Variants in LRRC1 observed in about 807,000 individuals in gnomAD.
LRRC1 encodes leucine rich repeat containing 1, also known as leucine-rich repeat-containing protein 1.
In LRRC1, 28 loss-of-function variants were observed where a neutral mutation model predicts 69.9. The observed-to-expected ratio is 0.40, with a 90% confidence interval of 0.30 to 0.55. LRRC1 has a LOEUF of 0.55. Among genes scored for constraint, LRRC1 ranks in the 20% least tolerant of loss-of-function variants. The pLI is 0.47. For synonymous variants in LRRC1, 236 were observed against 240.2 expected (o/e 0.98, Z 0.16); for missense variants, 498 against 609.0 (o/e 0.82, Z 1.92).
intron 2 of LRRC1, 21 bp downstream of exon 2, chr6:53,842,248 G>T (rs1484651256): frequency 2.6e-6 from 4 of 1,563,968 alleles, no homozygotes; most frequent in Admixed American, 3.4e-5. Flanking sequence ...TTCCACTTGG[G>T]TTGCCTATTT....
chr6:53,834,667 C>G (rs908363984), intron 1 of LRRC1, among the ~76,000 whole-genome samples: 5 of 152,178 alleles, frequency 3.3e-5, no homozygotes, highest in Non-Finnish European at 5.9e-5. Flanking sequence ...AAAAAAAACT[C>G]TACCTCACTT....
Position 53,879,007 on chromosome 6 carries a change from C to A in LRRC1, c.292C>A (p.Pro98Thr), listed in dbSNP as rs769655673. 6.2e-7 allele frequency: 1 copy of A among 1,612,066 alleles called. No individual in the cohort carries two copies. Among genetic ancestry groups the A allele is most frequent in the African/African-American group, 1.3e-5 (1 of 74,972 alleles). ...DVSRNEIPEI[P>T]ESISFCKALQ... is the part of the protein sequence containing the mutation. The stretch of plus-strand genomic sequence containing the variant: ...TACTCCTGCAGAGATTCCTGAAATT[C>A]CAGAAAGCATTTCATTCTGTAAAGC... The change falls in exon 3 of 14, where the codon CCA (proline) becomes ACA (threonine). Residue 98 changes from proline to threonine, a missense_variant. This residue lies in a region of LRRC1 where 266 missense variants were observed against 383.9 expected (regional missense o/e 0.69). Transcript: ENST00000370888.
intron 4 of LRRC1, among the ~76,000 whole-genome samples, chr6:53,895,283 G>T (rs1426147211): frequency 6.6e-6 from 1 of 152,150 alleles, no homozygotes; most frequent in Admixed American, 6.5e-5. Flanking sequence ...AAATTATTTG[G>T]TTTTGTAAAA....
chr6:53,919,390 T>A, intron 11 of LRRC1, 108 bp from the exon 12 acceptor site: 1 of 920,262 alleles, frequency 1.1e-6, no homozygotes, highest in South Asian at 2.1e-5. Context: ...TTGAAACCAA[T>A]CTCAGGAAGC....
chr6:53,909,146 C>T lies in LRRC1; in HGVS notation c.990+4684C>T, dbSNP rs565990914. The stretch of plus-strand genomic sequence containing the variant: ...GGGAGCAGGCACCATACCAAGTGTC[C>T]ACAGAGGCAGCTAACATGTGCCAGG... On this transcript the variant is annotated intron_variant, in intron 10 of 13. Transcript: ENST00000370888. 1.5e-4 allele frequency among the ~76,000 whole-genome samples: 23 copies of T among 152,258 alleles called. No individual in the cohort carries two copies. In the East Asian group the frequency reaches 4.0e-3, roughly 27 times the overall value.
At chr6:53,893,069 C>T (rs752214285) in intron 4 of LRRC1, among the ~76,000 whole-genome samples, 7 of 152,120 alleles carry the variant, frequency 4.6e-5, no homozygotes, top group East Asian at 1.9e-4. Context: ...AGATGACATC[C>T]GTGATTAGCA....
chr6:53,849,982 C>A (rs550268361), intron 2 of LRRC1, among the ~76,000 whole-genome samples: 1 of 151,234 alleles, frequency 6.6e-6, no homozygotes, highest in South Asian at 2.1e-4. Context: ...ATTCTGTATT[C>A]TTTTCAGTTT....
At chr6:53,847,315 T>G (rs1562041591) in intron 2 of LRRC1, among the ~76,000 whole-genome samples, 1 of 152,196 alleles carries the variant, frequency 6.6e-6, no homozygotes, top group Non-Finnish European at 1.5e-5. Flanking sequence ...TTTAAAAGAA[T>G]GAGGCAAATG....
chr6:53,806,659 A>G (rs539699961), intron 1 of LRRC1, among the ~76,000 whole-genome samples: 2 of 152,294 alleles, frequency 1.3e-5, no homozygotes, highest in South Asian at 4.1e-4. Context: ...GAGTGGTGCT[A>G]CAGTTGGGCA....
At chr6:53,819,461 C>T (rs1383806982) in intron 1 of LRRC1, among the ~76,000 whole-genome samples, 18 of 152,054 alleles carry the variant, frequency 1.2e-4, no homozygotes. Context: ...ACATAGTAAG[C>T]CCTGGGGAAA....
intron 4 of LRRC1, among the ~76,000 whole-genome samples, chr6:53,888,305 A>G (rs908111897): frequency 1.3e-5 from 2 of 152,228 alleles, no homozygotes; most frequent in Non-Finnish European, 2.9e-5. Context: ...CAAGATTACA[A>G]AACAAAAATC....
intron 10 of LRRC1, among the ~76,000 whole-genome samples, chr6:53,906,808 G>A (rs1437450030): frequency 6.6e-6 from 1 of 152,212 alleles, no homozygotes; most frequent in Non-Finnish European, 1.5e-5. Context: ...GAAAGAAATA[G>A]TCTGCGCCTT....
At chr6:53,876,339 A>G (rs1767069050) in intron 2 of LRRC1, among the ~76,000 whole-genome samples, 1 of 152,102 alleles carries the variant, frequency 6.6e-6, no homozygotes, top group Non-Finnish European at 1.5e-5. Flanking sequence ...GGAATTCAAG[A>G]TGAGATTTGG....
In LRRC1 at chr6:53,897,301, C is replaced by A; in HGVS notation, c.584C>A (p.Ala195Asp). The change falls in exon 7 of 14, where the codon GCC (alanine) becomes GAC (aspartate). Residue 195 changes from alanine to aspartate, a missense_variant. Transcript: ENST00000370888. ...TTGTTTTAGCCAGAATCAATTGGAG[C>A]CCTCTTACATCTAAAAGATCTCTGG... ...EIYNLPESIG[A>D]LLHLKDLWLD... 1.2e-6 allele frequency: 2 copies of A among 1,610,776 alleles called. No individual in the cohort carries two copies. The highest frequency in any genetic ancestry group is 1.7e-6 in the Non-Finnish European group (2 of 1,177,790).
chr6:53,871,108 G>C (rs1028151942), intron 2 of LRRC1, among the ~76,000 whole-genome samples: 2 of 152,178 alleles, frequency 1.3e-5, no homozygotes, highest in East Asian at 3.8e-4. Flanking sequence ...TGGGAGTGCA[G>C]ATATATCTTT....
At chr6:53,848,173 G>GA (rs1766008118) in intron 2 of LRRC1, among the ~76,000 whole-genome samples, 2 of 152,242 alleles carry the variant, frequency 1.3e-5, no homozygotes, top group Non-Finnish European at 2.9e-5. Flanking sequence ...ACCTTAGGTT[G>GA]TGCTGGCTGG....
chr6:53,844,473 T>C (rs1765879342), intron 2 of LRRC1, among the ~76,000 whole-genome samples: 1 of 152,198 alleles, frequency 6.6e-6, no homozygotes, highest in Non-Finnish European at 1.5e-5. Context: ...CTGCCAGTTT[T>C]ACCAGTTCCC....
At chr6:53,901,897 G>A (rs1768068766) in intron 8 of LRRC1, among the ~76,000 whole-genome samples, 1 of 152,226 alleles carries the variant, frequency 6.6e-6, no homozygotes, top group Non-Finnish European at 1.5e-5. Context: ...CCAGCTTTAT[G>A]ACTGTGTTAG....
intron 10 of LRRC1, among the ~76,000 whole-genome samples, chr6:53,907,242 C>G (rs1441308430): frequency 6.6e-6 from 1 of 152,180 alleles, no homozygotes; most frequent in Non-Finnish European, 1.5e-5. Context: ...GCATACATAT[C>G]TAAACTGAAA....
Sources: gnomAD v4.1 joint callset for allele counts (sites outside exome capture counted in the v4.1 genomes callset) on GRCh38, gnomAD v4.1.1 for gene constraint, gnomAD v4.1.1 regional missense constraint, MANE v1.5 for transcripts, NCBI Gene and HGNC (gene_info 2026-07-23, HGNC 2026-07-21) for gene names.